TMEM132C: variants seen among roughly 807,000 people sequenced by gnomAD.
TMEM132C encodes the protein transmembrane protein 132C.
TMEM132C carries 29 observed loss-of-function variants against 61.4 expected under a neutral mutation model. The observed-to-expected ratio is 0.47, with a 90% confidence interval of 0.35 to 0.64. The LOEUF is 0.64. Ranked by LOEUF, TMEM132C falls within the 30% of genes least tolerant of loss-of-function variation. The probability of loss-of-function intolerance (pLI) is 0.00; values close to 1 mark genes in which losing one functional copy is unlikely to be tolerated. For missense variants in TMEM132C, 1,408 were observed against 1,476.9 expected, an observed-to-expected ratio of 0.95 and a Z score of 0.76; for synonymous variants, 656 against 633.1, an observed-to-expected ratio of 1.04 and a Z score of -0.54.
intron 2 of TMEM132C, among the ~76,000 whole-genome samples, chr12:128,428,137 G>A (rs774448419): frequency 2.6e-5 from 4 of 152,174 alleles, no homozygotes; most frequent in South Asian, 2.1e-4. Flanking sequence ...TCAACAACCC[G>A]TTCTACAGAT....
rs1953965173 is a variant in TMEM132C at position 128,621,753 on chromosome 12, T to TA, written c.1305+5418_1305+5419insA. 2.0e-5 allele frequency among the ~76,000 whole-genome samples: 3 copies of TA among 152,298 alleles called. No individual in the cohort carries two copies. In the South Asian group the frequency reaches 6.2e-4, roughly 32 times the overall value. ...CACCTGTCCCACTGGGAAGTCTGTTTTCTGTGGTTCTCCTCTCTCTGGGCT... is the reference window on the plus strand; with the variant it reads ...CACCTGTCCCACTGGGAAGTCTGTTTATCTGTGGTTCTCCTCTCTCTGGGCT... On this transcript the variant is annotated intron_variant, in intron 4 of 8. Transcript: ENST00000435159.
chr12:128,445,565 C>T (rs528185288), intron 2 of TMEM132C, among the ~76,000 whole-genome samples: 37 of 152,278 alleles, frequency 2.4e-4, no homozygotes, highest in Non-Finnish European at 4.1e-4. Context: ...TGCCTGTCCA[C>T]GGTGGGAGAC....
At chr12:128,704,944 C>T in intron 8 of TMEM132C, 146 bp from the exon 9 acceptor site, 1 of 863,352 alleles carries the variant, frequency 1.2e-6, no homozygotes, top group Non-Finnish European at 1.7e-6. Flanking sequence ...TGATAGAAAA[C>T]CTGTATGATT....
At chr12:128,493,268 T>A (rs1871814392) in intron 2 of TMEM132C, among the ~76,000 whole-genome samples, 1 of 152,246 alleles carries the variant, frequency 6.6e-6, no homozygotes, top group Non-Finnish European at 1.5e-5. Context: ...TAATATAGTT[T>A]GAAGTCAGGT....
chr12:128,485,940 G>A (rs1031247558), intron 2 of TMEM132C, among the ~76,000 whole-genome samples: 5 of 152,092 alleles, frequency 3.3e-5, no homozygotes, highest in African/African-American at 1.2e-4. Flanking sequence ...TTTACAGCAC[G>A]TAACGCTTCA....
chr12:128,685,479 G>A (rs1954666183), intron 5 of TMEM132C, among the ~76,000 whole-genome samples: 1 of 152,182 alleles, frequency 6.6e-6, no homozygotes, highest in African/African-American at 2.4e-5. Flanking sequence ...TCCCATTCTG[G>A]GGCCCACACT....
chr12:128,480,744 C>T (rs78782025), intron 2 of TMEM132C, among the ~76,000 whole-genome samples: 9,761 of 152,258 alleles, frequency 0.064, 1,008 homozygotes, highest in African/African-American at 0.21. Context: ...AACAGCCTCC[C>T]CCTGGGCCAG....
intron 5 of TMEM132C, among the ~76,000 whole-genome samples, chr12:128,682,817 A>G (rs951352884): frequency 5.9e-5 from 9 of 152,154 alleles, no homozygotes; most frequent in African/African-American, 1.7e-4. Flanking sequence ...GTCTGGAGTC[A>G]AGGTGTGGAC....
At chr12:128,286,522 A>T (rs1448559425) in intron 1 of TMEM132C, among the ~76,000 whole-genome samples, 1 of 152,220 alleles carries the variant, frequency 6.6e-6, no homozygotes, top group African/African-American at 2.4e-5. Context: ...TGATTTACAT[A>T]AACCGGGAAA....
intron 3 of TMEM132C, among the ~76,000 whole-genome samples, chr12:128,563,403 A>G (rs1815858817): frequency 6.6e-6 from 1 of 152,168 alleles, no homozygotes; most frequent in Admixed American, 6.5e-5. Flanking sequence ...TGGGCTTGTA[A>G]AAGTTTTCAA....
intron 2 of TMEM132C, among the ~76,000 whole-genome samples, chr12:128,535,292 T>C (rs1027571413): frequency 2.0e-5 from 3 of 151,894 alleles, no homozygotes; most frequent in Admixed American, 1.3e-4. Flanking sequence ...ACCATCAGAG[T>C]GAACAGGCAA....
intron 2 of TMEM132C, among the ~76,000 whole-genome samples, chr12:128,530,708 G>A (rs868497910): frequency 6.6e-6 from 1 of 152,196 alleles, no homozygotes; most frequent in Non-Finnish European, 1.5e-5. Context: ...CTCCCAAAGT[G>A]CTGGGATTAT....
intron 4 of TMEM132C, among the ~76,000 whole-genome samples, chr12:128,664,181 TGCACGCAGGCACTC>T (rs1400295937): frequency 2.8e-4 from 26 of 92,158 alleles, no homozygotes; most frequent in Middle Eastern, 9.1e-3. Flanking sequence ...CCCACACGCA[TGCACGCAGGCACTC>T]ACACAGGCAC....
chr12:128,646,174 GAT>G (rs1366518042), intron 4 of TMEM132C, among the ~76,000 whole-genome samples: 2 of 152,054 alleles, frequency 1.3e-5, no homozygotes, highest in Non-Finnish European at 2.9e-5. Context: ...ATCAGCATTG[GAT>G]ATGAGTGTGT....
chr12:128,672,224 C>A (rs544543509), intron 5 of TMEM132C, among the ~76,000 whole-genome samples: 2 of 152,170 alleles, frequency 1.3e-5, no homozygotes, highest in South Asian at 2.1e-4. Context: ...TGCTTCATAG[C>A]CATGTGTGGC....
intron 2 of TMEM132C, among the ~76,000 whole-genome samples, chr12:128,444,767 G>A (rs535908100): frequency 2.6e-5 from 4 of 152,340 alleles, no homozygotes; most frequent in South Asian, 2.1e-4. Flanking sequence ...CGTCCTTGGC[G>A]CGGGTGGTAT....
intron 1 of TMEM132C, among the ~76,000 whole-genome samples, chr12:128,363,710 T>A (rs1873774388): frequency 6.6e-6 from 1 of 151,986 alleles, no homozygotes. Context: ...CTGGGCGTGG[T>A]GGCACATGCC....
chr12:128,503,315 A>G (rs1660435312), intron 2 of TMEM132C, among the ~76,000 whole-genome samples: 1 of 152,212 alleles, frequency 6.6e-6, no homozygotes, highest in Non-Finnish European at 1.5e-5. Flanking sequence ...CCTTGGATTC[A>G]AAACAATGAG....
At chr12:128,372,952 A>G (rs1202947332) in intron 1 of TMEM132C, among the ~76,000 whole-genome samples, 2 of 152,254 alleles carry the variant, frequency 1.3e-5, no homozygotes, top group African/African-American at 2.4e-5. Context: ...GATATGACAC[A>G]TTCAGAAGCA....
Sources: gnomAD v4.1 joint callset for allele counts (sites outside exome capture counted in the v4.1 genomes callset) on GRCh38, gnomAD v4.1.1 for gene constraint, MANE v1.5 for transcripts, NCBI Gene and HGNC (gene_info 2026-07-23, HGNC 2026-07-21) for gene names.